TMEM182: variants seen among roughly 807,000 people sequenced by gnomAD.
TMEM182 encodes transmembrane protein 182.
TMEM182 carries 20 observed loss-of-function variants against 26.8 expected under a neutral mutation model. The ratio of observed to expected loss-of-function variants is 0.75; its 90% CI spans 0.53 to 1.09. The LOEUF (loss-of-function observed/expected upper bound fraction) is 1.09. Ranked by LOEUF, TMEM182 falls within the 50% of genes least tolerant of loss-of-function variation. The pLI is 0.00. For synonymous variants in TMEM182, 109 were observed against 102.2 expected, an observed-to-expected ratio of 1.07 and a Z score of -0.40; for missense variants, 277 against 275.5, an observed-to-expected ratio of 1.01 and a Z score of -0.04.
At chr2:102,818,760 A>ATCTG (rs767249300), downstream of TMEM182, among the ~76,000 whole-genome samples, 3 of 151,896 alleles carry the variant, frequency 2.0e-5, no homozygotes, top group Admixed American at 2.0e-4. Flanking sequence ...CTATCTATCT[A>ATCTG]TCTATCTATC....
At chr2:102,842,978 G>T (rs1013481549) in intron 3 of TMEM182, among the ~76,000 whole-genome samples, 14 of 152,268 alleles carry the variant, frequency 9.2e-5, no homozygotes, top group African/African-American at 3.4e-4. Flanking sequence ...TTGACAAAGA[G>T]GGTGGGCTTT....
upstream of TMEM182, among the ~76,000 whole-genome samples, chr2:102,759,617 G>A (rs1229192838): frequency 6.6e-6 from 1 of 152,136 alleles, no homozygotes; most frequent in African/African-American, 2.4e-5. Context: ...TGTGTATTAA[G>A]TTTATATTGC....
intron 3 of TMEM182, among the ~76,000 whole-genome samples, chr2:102,788,634 G>A (rs1681503214): frequency 6.6e-6 from 1 of 152,066 alleles, no homozygotes; most frequent in African/African-American, 2.4e-5. Context: ...CTTAGAAGGA[G>A]CAAGTGAGAT....
intron 3 of TMEM182, among the ~76,000 whole-genome samples, chr2:102,827,103 G>A (rs1683047902): frequency 6.6e-6 from 1 of 152,194 alleles, no homozygotes; most frequent in Non-Finnish European, 1.5e-5. Context: ...CCGCCACATG[G>A]CTATTTGGCA....
intron 3 of TMEM182, among the ~76,000 whole-genome samples, chr2:102,794,696 G>C (rs1205011176): frequency 6.6e-6 from 1 of 152,150 alleles, no homozygotes; most frequent in Non-Finnish European, 1.5e-5. Flanking sequence ...TTTATGTAAT[G>C]ATTTTTTCCT....
chr2:102,839,506 G>A (rs1265065339), intron 3 of TMEM182, among the ~76,000 whole-genome samples: 16 of 145,944 alleles, frequency 1.1e-4, no homozygotes, highest in Non-Finnish European at 1.3e-4. Flanking sequence ...TGTCTATATA[G>A]TGGAATTATT....
At chr2:102,804,200 T>C (rs1437496063) in intron 4 of TMEM182, among the ~76,000 whole-genome samples, 3 of 152,068 alleles carry the variant, frequency 2.0e-5, no homozygotes, top group African/African-American at 7.2e-5. Flanking sequence ...GTACTGGTGG[T>C]GTTTGGTTAC....
At chr2:102,756,129 A>T (rs1033307870) in intron 1 of TMEM182, among the ~76,000 whole-genome samples, 21 of 152,192 alleles carry the variant, frequency 1.4e-4, no homozygotes, top group Non-Finnish European at 1.9e-4. Context: ...ATGTGTGTGT[A>T]TTGGTGTGGG....
downstream of TMEM182, among the ~76,000 whole-genome samples, chr2:102,821,934 G>A (rs1573573560): frequency 6.6e-6 from 1 of 150,856 alleles, no homozygotes; most frequent in East Asian, 2.0e-4. Flanking sequence ...CTTGCAGTGA[G>A]CTGAGATCGC....
chr2:102,822,146 CAGTT>C (rs1428219538), downstream of TMEM182, among the ~76,000 whole-genome samples: 2 of 152,046 alleles, frequency 1.3e-5, no homozygotes, highest in East Asian at 1.9e-4. Context: ...TATTTAAAAA[CAGTT>C]AGATTAGGCA....
At chr2:102,787,401 T>C (rs566383327) in intron 3 of TMEM182, among the ~76,000 whole-genome samples, 1 of 152,212 alleles carries the variant, frequency 6.6e-6, no homozygotes, top group South Asian at 2.1e-4. Flanking sequence ...CCTCTTCTCA[T>C]AAAGTCACTA....
exon 1 of TMEM182, chr2:102,736,976 T>C: frequency 1.3e-6 from 1 of 758,802 alleles, no homozygotes; most frequent in Non-Finnish European, 2.0e-6. Flanking sequence ...GGAGTTCTGG[T>C]CTCAGGCAAG....
chr2:102,819,565 A>G (rs1190502666), downstream of TMEM182, among the ~76,000 whole-genome samples: 1 of 152,172 alleles, frequency 6.6e-6, no homozygotes, highest in Non-Finnish European at 1.5e-5. Context: ...GGATAAAACT[A>G]TATACATATG....
chr2:102,789,493 G>A (rs756004876), intron 3 of TMEM182, among the ~76,000 whole-genome samples: 2 of 152,172 alleles, frequency 1.3e-5, no homozygotes, highest in South Asian at 2.1e-4. Flanking sequence ...ATGAAAACCC[G>A]TAGAGACGCT....
chr2:102,808,868 G>A (rs540211916), intron 4 of TMEM182, among the ~76,000 whole-genome samples: 4 of 152,258 alleles, frequency 2.6e-5, no homozygotes, highest in Admixed American at 2.6e-4. Context: ...TTATAATGAC[G>A]TTCTAAGGAC....
intron 1 of TMEM182, among the ~76,000 whole-genome samples, chr2:102,743,792 CAGA>C (rs1412802766): frequency 1.3e-5 from 2 of 151,930 alleles, no homozygotes; most frequent in African/African-American, 4.8e-5. Context: ...TGACACTAAT[CAGA>C]AGAAAACTGG....
chr2:102,786,510 G>T (rs1423837590), intron 3 of TMEM182, among the ~76,000 whole-genome samples: 1 of 152,182 alleles, frequency 6.6e-6, no homozygotes, highest in East Asian at 1.9e-4. Flanking sequence ...ACCGCGTCCA[G>T]CCTGAGCTCA....
chr2:102,743,636 A>T lies in TMEM182; in HGVS notation c.-83+6623A>T, dbSNP rs143008996. Among the ~76,000 whole-genome samples, 825 of 152,308 alleles carry T rather than the reference A, an allele frequency of 5.4e-3. 13 individuals are homozygous for T. Among genetic ancestry groups the T allele is most frequent in the African/African-American group, 0.019 (777 of 41,554 alleles). ...TTCCACTATATGAATAATCACTTTA[A>T]ATGTGATTGGTCTAAATATGCCAAT... is the stretch of plus-strand genomic sequence containing the variant. On this transcript the variant is annotated intron_variant, in intron 1 of 5. Transcript: ENST00000409173.
intron 3 of TMEM182, among the ~76,000 whole-genome samples, chr2:102,792,531 C>A (rs1424388057): frequency 6.6e-6 from 1 of 152,174 alleles, no homozygotes; most frequent in African/African-American, 2.4e-5. Context: ...GAACTCTATG[C>A]AATTCTACAA....
Sources: allele counts gnomAD v4.1 joint callset (sites outside exome capture counted in the v4.1 genomes callset), GRCh38; gene constraint gnomAD v4.1.1; transcripts MANE v1.5; gene names NCBI Gene and HGNC (gene_info 2026-07-23, HGNC 2026-07-21).